IPMK: variants seen among roughly 807,000 people sequenced by gnomAD.
IPMK encodes the protein inositol 1,3,4,6-tetrakisphosphate 5-kinase.
In IPMK, 17 loss-of-function variants were observed where a neutral mutation model predicts 45.8. That is an observed-to-expected ratio of 0.37 (90% CI 0.25 to 0.56). The LOEUF is 0.56. Among genes scored for constraint, IPMK ranks in the 20% least tolerant of loss-of-function variants. IPMK has a pLI of 0.79. For missense variants in IPMK, 399 were observed against 498.0 expected, an observed-to-expected ratio of 0.80 and a Z score of 1.89; for synonymous variants, 180 against 184.3, an observed-to-expected ratio of 0.98 and a Z score of 0.19.
chr10:58,197,543 G>T (rs189118272), intron 5 of IPMK, among the ~76,000 whole-genome samples: 1 of 151,046 alleles, frequency 6.6e-6, no homozygotes, highest in Non-Finnish European at 1.5e-5. Context: ...CTAGATACTC[G>T]GGAGGCTGAG....
At chr10:58,197,421 T>C (rs12253639) in intron 5 of IPMK, among the ~76,000 whole-genome samples, 50,843 of 141,402 alleles carry the variant, frequency 0.36, 10,814 homozygotes, top group African/African-American at 0.62. Context: ...GAGGCCGAGG[T>C]GGGCGGATCA....
In IPMK at chr10:58,193,777, A is replaced by G. The variant is rs1176181955; in HGVS notation, c.*2299T>C. On this transcript the variant is annotated 3_prime_UTR_variant, in exon 6 of 6. Coordinates refer to ENST00000373935, the MANE Select transcript of IPMK (RefSeq NM_152230.5). ...ACATGTTCAAATATACTTGGTGAAT[A>G]GCGATCATTCATCCCCACAGTGGTA... 6.6e-6 allele frequency: 1 copy of G among 151,848 alleles called. No homozygotes were observed. The highest frequency in any genetic ancestry group is 2.4e-5 in the African/African-American group (1 of 41,428). 9.4% of individuals were successfully genotyped at this position (151,848 alleles called of 1,614,324 possible). A position where few individuals can be genotyped will look rare whatever the true frequency, so the allele number is the denominator to read the frequency against.
intron 1 of IPMK, among the ~76,000 whole-genome samples, chr10:58,259,681 A>AAAAAAAACAAAAAC (rs1554825707): frequency 5.4e-5 from 8 of 149,376 alleles, no homozygotes; most frequent in African/African-American, 2.0e-4. Context: ...TAAAAAAAAA[A>AAAAAAAACAAAAAC]AAAAAACAAT....
chr10:58,209,333 C>T (rs918560902), intron 4 of IPMK, among the ~76,000 whole-genome samples: 1 of 152,174 alleles, frequency 6.6e-6, no homozygotes, highest in African/African-American at 2.4e-5. Flanking sequence ...CAGACTTTCC[C>T]AGCTGTACCT....
intron 1 of IPMK, among the ~76,000 whole-genome samples, chr10:58,251,770 GTTTAT>G (rs1032775275): frequency 3.9e-5 from 6 of 152,178 alleles, no homozygotes; most frequent in African/African-American, 7.2e-5. Flanking sequence ...ACTGTTGACA[GTTTAT>G]TTTATCTGAT....
intron 1 of IPMK, among the ~76,000 whole-genome samples, chr10:58,257,613 G>A (rs541627885): frequency 1.9e-4 from 29 of 152,126 alleles, no homozygotes; most frequent in Non-Finnish European, 3.5e-4. Context: ...AAAGTATTAA[G>A]AAACATAAAA....
rs769725071 is a variant in IPMK at position 58,230,534 on chromosome 10, G to A, written c.277-3395C>T. On this transcript the variant is annotated intron_variant, in intron 2 of 5. Transcript: ENST00000373935. ...CTCCACTGGTGATAACCAGGCAAAC[G>A]GTCTGGAGTGGACCTCCAGCAAACT... 2.0e-4 allele frequency among the ~76,000 whole-genome samples: 30 copies of A among 152,262 alleles called. 1 individual carries two copies. The highest frequency in any genetic ancestry group is 2.9e-4 in the Non-Finnish European group (20 of 68,018).
chr10:58,210,090 G>A (rs1838135202), intron 4 of IPMK, among the ~76,000 whole-genome samples: 1 of 152,030 alleles, frequency 6.6e-6, no homozygotes, highest in Non-Finnish European at 1.5e-5. Context: ...CTCTCCTTGG[G>A]TGGGGCTTGC....
At position 58,265,685 on chromosome 10, in the gene IPMK, A is replaced by G. The variant is rs958860747; in HGVS notation, c.190+1737T>C. Among the ~76,000 whole-genome samples, 3 of 152,326 alleles carry G rather than the reference A, an allele frequency of 2.0e-5. No homozygotes were observed. In the South Asian group the frequency reaches 6.2e-4, roughly 32 times the overall value. Reference sequence around the variant, plus strand: ...TGAAATTGCAAAAAAAGTTTATTTTACACTGAATGCCATAATAAAATTAAG... The same window carrying G: ...TGAAATTGCAAAAAAAGTTTATTTTGCACTGAATGCCATAATAAAATTAAG... On this transcript the variant is annotated intron_variant, in intron 1 of 5. Coordinates refer to ENST00000373935, the MANE Select transcript of IPMK (RefSeq NM_152230.5).
At chr10:58,243,333 A>G (rs1322963485) in intron 1 of IPMK, among the ~76,000 whole-genome samples, 1 of 152,200 alleles carries the variant, frequency 6.6e-6, no homozygotes, top group African/African-American at 2.4e-5. Context: ...TTGTATATGT[A>G]TACAATAGAA....
intron 1 of IPMK, among the ~76,000 whole-genome samples, chr10:58,256,046 G>A (rs557279201): frequency 8.5e-5 from 13 of 152,212 alleles, no homozygotes; most frequent in Admixed American, 1.3e-4. Context: ...CCTGGATTGC[G>A]TTATCTGCAC....
At chr10:58,208,002 G>A (rs538668545) in intron 4 of IPMK, among the ~76,000 whole-genome samples, 6 of 151,892 alleles carry the variant, frequency 4.0e-5, no homozygotes, top group African/African-American at 1.2e-4. Context: ...GTGCAGTGGC[G>A]CGATCTCGGC....
At chr10:58,221,825 T>C (rs1383561139) in intron 3 of IPMK, among the ~76,000 whole-genome samples, 1 of 152,208 alleles carries the variant, frequency 6.6e-6, no homozygotes, top group Non-Finnish European at 1.5e-5. Context: ...CTTGGCTCAC[T>C]GCAACCTCCA....
intron 4 of IPMK, among the ~76,000 whole-genome samples, chr10:58,203,169 C>T (rs192168437): frequency 6.6e-6 from 1 of 152,200 alleles, no homozygotes; most frequent in East Asian, 1.9e-4. Context: ...TTGAGGAGTT[C>T]AATTCAAGAC....
intron 1 of IPMK, among the ~76,000 whole-genome samples, chr10:58,242,459 C>CAAAA (rs1377487096): frequency 8.9e-5 from 4 of 45,024 alleles, no homozygotes; most frequent in South Asian, 6.7e-4. Flanking sequence ...GACTCCGTCT[C>CAAAA]AAAAAAAAAA....
intron 1 of IPMK, among the ~76,000 whole-genome samples, chr10:58,256,530 C>A (rs746401907): frequency 2.0e-5 from 3 of 152,184 alleles, no homozygotes; most frequent in Non-Finnish European, 2.9e-5. Flanking sequence ...TTCGCCCTGG[C>A]CTTGTGATCT....
At chr10:58,238,306 C>T (rs765815641) in intron 1 of IPMK, among the ~76,000 whole-genome samples, 3 of 152,184 alleles carry the variant, frequency 2.0e-5, no homozygotes, top group Non-Finnish European at 2.9e-5. Flanking sequence ...GATTCAAATG[C>T]ACTGTATACA....
chr10:58,219,619 C>A (rs1323018938), intron 3 of IPMK, among the ~76,000 whole-genome samples: 2 of 152,166 alleles, frequency 1.3e-5, no homozygotes, highest in African/African-American at 2.4e-5. Flanking sequence ...TTCGGCTAGG[C>A]CCCTCTGGGT....
chr10:58,239,742 T>TA (rs1564536283), intron 1 of IPMK, among the ~76,000 whole-genome samples: 1 of 151,912 alleles, frequency 6.6e-6, no homozygotes, highest in Non-Finnish European at 1.5e-5. Context: ...AAACCAACAG[T>TA]AAACCAACAG....
Sources: allele counts gnomAD v4.1 joint callset (sites outside exome capture counted in the v4.1 genomes callset), GRCh38; gene constraint gnomAD v4.1.1; transcripts MANE v1.5; gene names NCBI Gene and HGNC (gene_info 2026-07-23, HGNC 2026-07-21).